The following DENND2C variants were observed in gnomAD, a reference collection of about 807,000 sequenced individuals.
DENND2C encodes the protein DENN domain-containing protein 2C.
Under a neutral mutation model 112.4 loss-of-function variants are expected in DENND2C, and 72 were observed. The ratio of observed to expected loss-of-function variants is 0.64; its 90% CI spans 0.53 to 0.78. DENND2C has a LOEUF of 0.78. Among genes scored for constraint, DENND2C ranks in the 30% least tolerant of loss-of-function variants. The pLI, the probability that DENND2C is intolerant of heterozygous loss-of-function variation, is 0.00. For synonymous variants in DENND2C, 329 were observed against 381.6 expected, an observed-to-expected ratio of 0.86 and a Z score of 1.61; for missense variants, 992 against 1,113.8, an observed-to-expected ratio of 0.89 and a Z score of 1.56.
At chr1:114,636,869 A>G (rs1656671837) in intron 3 of DENND2C, among the ~76,000 whole-genome samples, 2 of 152,146 alleles carry the variant, frequency 1.3e-5, no homozygotes, top group Admixed American at 1.3e-4. Context: ...TGGTCAGTAT[A>G]GAAGAATTAA....
intron 1 of DENND2C, among the ~76,000 whole-genome samples, chr1:114,655,883 A>ATGTATATATATATAT (rs1557960847): frequency 7.9e-6 from 1 of 125,890 alleles, no homozygotes; most frequent in African/African-American, 2.7e-5. Flanking sequence ...TATATGTATA[A>ATGTATATATATATAT]ATATATATAT....
chr1:114,667,716 G>A (rs557324952), intron 1 of DENND2C, among the ~76,000 whole-genome samples: 2 of 152,078 alleles, frequency 1.3e-5, no homozygotes, highest in East Asian at 3.9e-4. Context: ...CCTATTAGAT[G>A]TCATTTGTAT....
intron 17 of DENND2C, 133 bp from the exon 18 acceptor site, chr1:114,594,711 TCTC>T: frequency 4.7e-6 from 3 of 632,170 alleles, no homozygotes; most frequent in Non-Finnish European, 5.4e-6. Context: ...CAGTCTGAAG[TCTC>T]CTTCCCTACA....
intron 7 of DENND2C, among the ~76,000 whole-genome samples, chr1:114,621,531 T>C (rs1383386902): frequency 6.6e-6 from 1 of 152,218 alleles, no homozygotes; most frequent in Non-Finnish European, 1.5e-5. Flanking sequence ...AAAACTGAAC[T>C]CACTTTGGCA....
Position 114,616,139 on chromosome 1 carries a change from T to C in DENND2C, c.1324+2247A>G, listed in dbSNP as rs368533305. ...GTATGGTGGCTCATGCCTGTAATCCTAGCACTCTGGGAGGCCCAGGCAGGT... is the reference window on the plus strand; with the variant it reads ...GTATGGTGGCTCATGCCTGTAATCCCAGCACTCTGGGAGGCCCAGGCAGGT... On this transcript the variant is annotated intron_variant, in intron 8 of 20. Coordinates refer to ENST00000393274, the MANE Select transcript of DENND2C (RefSeq NM_001256404.2). Among the ~76,000 whole-genome samples the C allele has an allele frequency of 1.1e-4, 17 of 151,672 alleles. No individual in the cohort carries two copies. The East Asian group carries it at 2.5e-3, about 23-fold the overall frequency.
intron 16 of DENND2C, 102 bp from the exon 17 acceptor site, chr1:114,595,975 A>G: frequency 9.3e-7 from 1 of 1,077,848 alleles, no homozygotes; most frequent in South Asian, 1.3e-5. Context: ...GTTTCAGCCC[A>G]TTTAAAAGTT....
Position 114,583,834 on chromosome 1 carries a change from A to C in DENND2C, c.*1766T>G, listed in dbSNP as rs1334165067. 8.6e-6 allele frequency: 1 copy of C among 116,126 alleles called. No homozygotes were observed. Among genetic ancestry groups the C allele is most frequent in the Non-Finnish European group, 1.8e-5 (1 of 54,592 alleles). 7.2% of individuals were successfully genotyped at this position (116,126 alleles called of 1,614,324 possible). ...AAAAAAAAAAAAAAAAACCGAAACA[A>C]AACACACACACACACACATACACAC... On this transcript the variant is annotated 3_prime_UTR_variant, in exon 21 of 21. Coordinates refer to ENST00000393274, the MANE Select transcript of DENND2C (RefSeq NM_001256404.2).
At chr1:114,607,978 A>G (rs1470679005) in intron 10 of DENND2C, among the ~76,000 whole-genome samples, 2 of 152,186 alleles carry the variant, frequency 1.3e-5, no homozygotes, top group African/African-American at 2.4e-5. Context: ...CCCCCATTTT[A>G]CAAATTAAAC....
intron 2 of DENND2C, among the ~76,000 whole-genome samples, chr1:114,654,101 T>C (rs1242422700): frequency 6.6e-6 from 1 of 152,148 alleles, no homozygotes. Context: ...GTAACTATGG[T>C]TGAATTTTCT....
At chr1:114,606,633 G>C (rs895845987) in intron 10 of DENND2C, among the ~76,000 whole-genome samples, 6 of 152,166 alleles carry the variant, frequency 3.9e-5, no homozygotes, top group African/African-American at 1.4e-4. Context: ...TCAAAAAGCA[G>C]AACAAATTAA....
chr1:114,615,798 G>A (rs144774600), intron 8 of DENND2C, among the ~76,000 whole-genome samples: 1,669 of 152,302 alleles, frequency 0.011, 23 homozygotes, highest in Middle Eastern at 0.054. Context: ...GCTGGGGGCC[G>A]GGCGCAGTGG....
chr1:114,602,161 A>C lies in DENND2C; in HGVS notation c.1701T>G (p.Asp567Glu). The C allele has an allele frequency of 6.2e-7, 1 of 1,614,010 alleles. No individual in the cohort carries two copies. Among genetic ancestry groups the C allele is most frequent in the Non-Finnish European group, 8.5e-7 (1 of 1,179,940 alleles). Residue 567 changes from aspartate (D) to glutamate (E), a missense_variant, in exon 12 of 21, where the codon GAT becomes GAG. By Grantham distance (45) the Asp-to-Glu change is conservative. This residue lies in a region of DENND2C where 516 missense variants were observed against 623.6 expected (regional missense o/e 0.83). Transcript: ENST00000393274. ...ETFSFVLTGE[D>E]GSRWFGYCKK... is the part of the protein sequence containing the mutation. ...TACAGTAACCAAACCACCGGCTTCC[A>C]TCTTCACCAGTCAAGACAAAGGAGA...
chr1:114,587,193 T>C (rs1401756931), intron 20 of DENND2C, 194 bp downstream of exon 20: 1 of 613,906 alleles, frequency 1.6e-6, no homozygotes, highest in Non-Finnish European at 2.9e-6. Context: ...TAAGCCACCA[T>C]GCCCAACCAT....
intron 16 of DENND2C, among the ~76,000 whole-genome samples, chr1:114,596,658 T>TG (rs1314306573): frequency 6.6e-6 from 1 of 152,192 alleles, no homozygotes; most frequent in Non-Finnish European, 1.5e-5. Context: ...GGCCATGACT[T>TG]GATAAGTACT....
At position 114,608,849 on chromosome 1, in the gene DENND2C, A is replaced by G. The variant is rs1655732439; in HGVS notation, c.1394T>C (p.Leu465Pro). Reference protein sequence around the residue: ...PKNRHKRLAQLQPSSKRNPHY... With the variant: ...PKNRHKRLAQPQPSSKRNPHY... ...AGGATTCCTCTTGGAAGACGGTTGC[A>G]GTTGTGCTAAGCGTTTATGGCGATC... is the stretch of plus-strand genomic sequence containing the variant. Residue 465 changes from leucine (L) to proline (P), a missense_variant, in exon 10 of 21, where the codon CTG becomes CCG. Physicochemically the swap from Leu to Pro is moderately conservative, Grantham distance 98. Transcript: ENST00000393274. 6.2e-7 allele frequency: 1 copy of G among 1,614,098 alleles called. No individual in the cohort carries two copies. Among genetic ancestry groups the G allele is most frequent in the Non-Finnish European group, 8.5e-7 (1 of 1,180,038 alleles).
intron 8 of DENND2C, among the ~76,000 whole-genome samples, chr1:114,617,424 C>A (rs1320656473): frequency 6.6e-6 from 1 of 152,134 alleles, no homozygotes; most frequent in African/African-American, 2.4e-5. Context: ...GATTCTCCTG[C>A]CTCAGCCTCC....
intron 19 of DENND2C, 29 bp downstream of exon 19, chr1:114,587,687 G>A: frequency 6.4e-7 from 1 of 1,567,780 alleles, no homozygotes; most frequent in Non-Finnish European, 8.7e-7. Context: ...TCACTAAATA[G>A]AGAGGGAGAA....
intron 3 of DENND2C, among the ~76,000 whole-genome samples, chr1:114,631,079 T>C (rs1236208710): frequency 6.6e-6 from 1 of 152,186 alleles, no homozygotes; most frequent in Non-Finnish European, 1.5e-5. Context: ...CACCCAGCAA[T>C]GTAACATTTA....
intron 3 of DENND2C, among the ~76,000 whole-genome samples, chr1:114,627,413 C>T (rs1343761361): frequency 2.6e-5 from 4 of 152,200 alleles, no homozygotes; most frequent in African/African-American, 9.6e-5. Flanking sequence ...CCAGCTCTGT[C>T]AGTATAGCTG....
Sources: gnomAD v4.1 joint callset for allele counts (sites outside exome capture counted in the v4.1 genomes callset) on GRCh38, gnomAD v4.1.1 for gene constraint, gnomAD v4.1.1 regional missense constraint, MANE v1.5 for transcripts, NCBI Gene and HGNC (gene_info 2026-07-23, HGNC 2026-07-21) for gene names.